Variants in FANCA observed in about 807,000 individuals in gnomAD.
The protein encoded by FANCA is FA complementation group A.
In FANCA, 236 loss-of-function variants were observed where a neutral mutation model predicts 194.3. The ratio of observed to expected loss-of-function variants is 1.21; its 90% CI spans 1.09 to 1.35. FANCA has a LOEUF of 1.35. Among genes scored for constraint, FANCA ranks in the 40% most tolerant of loss-of-function variants. The probability of loss-of-function intolerance (pLI) is 0.00; values close to 1 mark genes in which losing one functional copy is unlikely to be tolerated. For missense variants in FANCA, 2,628 were observed against 1,813.9 expected, an observed-to-expected ratio of 1.45 and a Z score of -8.15; for synonymous variants, 1,014 against 715.8, an observed-to-expected ratio of 1.42 and a Z score of -6.65.
At chr16:89,791,825 A>T (rs1392399926) in intron 13 of FANCA, 102 bp downstream of exon 13, 16 of 1,470,436 alleles carry the variant, frequency 1.1e-5, no homozygotes, top group Non-Finnish European at 1.5e-5. Context: ...GCAGGTAGGG[A>T]AGGGCTTCAC....
At position 89,791,940 on chromosome 16, in the gene FANCA, C is replaced by T; in HGVS notation, c.1212G>A (p.Gln404=). The T allele has an allele frequency of 6.2e-7, 1 of 1,614,184 alleles. No individual in the cohort carries two copies. The change falls in exon 13 of 43, where the codon CAG becomes CAA. Residue 404 remains glutamine (Q), a synonymous_variant. Transcript: ENST00000389301. ...GTAAAAGCTCACCTTCAAGCAGCTG[C>T]TGCGCTTCTGGAAAGCAGACAACCA... ...SALVVCFPEA[Q]QLLEDWVARL...
At chr16:89,764,009 A>C (rs1009847661) in intron 28 of FANCA, among the ~76,000 whole-genome samples, 6 of 152,166 alleles carry the variant, frequency 3.9e-5, no homozygotes, top group African/African-American at 1.4e-4. Flanking sequence ...TGGGAGGCCA[A>C]GGCGTGTGGG....
In FANCA at chr16:89,795,958, C is replaced by T. The variant is rs1158963137; in HGVS notation, c.954G>A (p.Arg318=). The T allele has an allele frequency of 2.5e-6, 4 of 1,614,054 alleles. No individual in the cohort carries two copies. The highest frequency in any genetic ancestry group is 2.7e-5 in the African/African-American group (2 of 74,932). The change falls in exon 11 of 43, where the codon AGG becomes AGA. Residue 318 remains arginine, a synonymous_variant. Coordinates refer to ENST00000389301, the MANE Select transcript of FANCA (RefSeq NM_000135.4). ...GSVISTDPLK[R]FFSHTLTQIL... Reference sequence around the variant, plus strand: ...TCTGAGTCAGGGTATGACTGAAGAACCTCTTCAGAGGATCTGTGGAAATTA... The same window carrying T: ...TCTGAGTCAGGGTATGACTGAAGAATCTCTTCAGAGGATCTGTGGAAATTA...
In FANCA at chr16:89,802,414, T is replaced by C. The variant is rs187277435; in HGVS notation, c.792+845A>G. ...ATTGAGCCCAACCTCAGCTATTTTT[T>C]TCTTTTTCTGAGATGGAGTCTCTGT... On this transcript the variant is annotated intron_variant, in intron 8 of 42. Coordinates refer to ENST00000389301, the MANE Select transcript of FANCA (RefSeq NM_000135.4). 5.3e-5 allele frequency among the ~76,000 whole-genome samples: 8 copies of C among 151,896 alleles called. No individual in the cohort carries two copies. In the East Asian group the frequency reaches 1.6e-3, roughly 30 times the overall value.
Position 89,812,494 on chromosome 16 carries a change from A to T in FANCA, c.284-1423T>A, listed in dbSNP as rs562777582. ...AAACCCTATCTCTACTAAAAATACA[A>T]AATTAGCCAGGCGTGGTGGTGCATG... is the stretch of plus-strand genomic sequence containing the variant. On this transcript the variant is annotated intron_variant, in intron 3 of 42. Coordinates refer to ENST00000389301, the MANE Select transcript of FANCA (RefSeq NM_000135.4). Among the ~76,000 whole-genome samples the T allele has an allele frequency of 2.6e-5, 4 of 151,238 alleles. No homozygotes were observed. In the East Asian group the frequency reaches 7.8e-4, roughly 30 times the overall value.
chr16:89,758,789 AGG>A, intron 29 of FANCA, 84 bp from the exon 30 acceptor site: 1 of 1,587,190 alleles, frequency 6.3e-7, no homozygotes, highest in Non-Finnish European at 8.6e-7. Flanking sequence ...GCCCATAGTA[AGG>A]GACACACAGC....
chr16:89,791,779 G>A (rs1006560417), intron 13 of FANCA, 148 bp downstream of exon 13: 1 of 1,100,140 alleles, frequency 9.1e-7, no homozygotes, highest in Non-Finnish European at 1.3e-6. Flanking sequence ...GTCTGACAAA[G>A]AATGTTCCAT....
rs1168865554 is a variant in FANCA, at chr16:89,783,135, G to A, written c.1471-33C>T. The A allele has an allele frequency of 2.0e-6, 3 of 1,534,378 alleles. No individual in the cohort carries two copies. In the African/African-American group the frequency reaches 4.1e-5, roughly 21 times the overall value. ...TAGATAGCAGAGCGCAGCACCGTTA[G>A]TCTGGGAACTGCCTGGGACTCCAGG... is the stretch of plus-strand genomic sequence containing the variant. On this transcript the variant is annotated intron_variant, in intron 15 of 42. Coordinates refer to ENST00000389301, the MANE Select transcript of FANCA (RefSeq NM_000135.4).
At chr16:89,752,251 T>C in intron 30 of FANCA, 29 bp from the exon 31 acceptor site, 1 of 1,582,340 alleles carries the variant, frequency 6.3e-7, no homozygotes, top group Non-Finnish European at 8.7e-7. Flanking sequence ...AAAATCCTCC[T>C]CAGTATCGCC....
chr16:89,790,078 G>A (rs914952695), intron 14 of FANCA, among the ~76,000 whole-genome samples: 1 of 152,204 alleles, frequency 6.6e-6, no homozygotes, highest in African/African-American at 2.4e-5. Context: ...CTGAAGAAAT[G>A]AAGTACTTGT....
At chr16:89,774,924 T>A (rs2039450554) in intron 21 of FANCA, among the ~76,000 whole-genome samples, 2 of 151,426 alleles carry the variant, frequency 1.3e-5, no homozygotes, top group South Asian at 4.2e-4. Flanking sequence ...CGAAACCCCA[T>A]CTCTACTAAA....
intron 1 of FANCA, 175 bp from the exon 2 acceptor site, chr16:89,816,161 G>A (rs1025463456): frequency 7.6e-6 from 5 of 660,936 alleles, no homozygotes; most frequent in African/African-American, 5.4e-5. Context: ...GCCCCACCGC[G>A]GACGCCGGGG....
chr16:89,803,290 C>G lies in FANCA; in HGVS notation c.761G>C (p.Arg254Thr). 6.2e-7 allele frequency: 1 copy of G among 1,614,212 alleles called. No homozygotes were observed. The highest frequency in any genetic ancestry group is 8.5e-7 in the Non-Finnish European group (1 of 1,180,024). The change falls in exon 8 of 43, where the codon AGA (arginine) becomes ACA (threonine). Residue 254 changes from arginine (R) to threonine (T), a missense_variant. Physicochemically the swap from Arg to Thr is moderately conservative, Grantham distance 71. Transcript: ENST00000389301. ...LRGFQKNSDL[R>T]RTVEPEKMPQ... ...CATTTTTTCAGGCTCCACAGTTCTT[C>G]TCAGATCTGAGTTTTTCTGAAATCC...
At chr16:89,763,232 G>C (rs568336047) in intron 28 of FANCA, among the ~76,000 whole-genome samples, 2 of 146,982 alleles carry the variant, frequency 1.4e-5, no homozygotes, top group African/African-American at 5.1e-5. Context: ...GGGCAACAGA[G>C]GAAGATTCCA....
At chr16:89,790,390 C>G (rs552657997) in intron 14 of FANCA, among the ~76,000 whole-genome samples, 86 of 146,174 alleles carry the variant, frequency 5.9e-4, no homozygotes, top group African/African-American at 2.1e-3. Flanking sequence ...TGAGACTCCA[C>G]CTCAAAAAAA....
chr16:89,773,049 T>G (rs892761746), intron 22 of FANCA, among the ~76,000 whole-genome samples: 2 of 152,156 alleles, frequency 1.3e-5, no homozygotes, highest in Non-Finnish European at 2.9e-5. Flanking sequence ...TAGCCGAATA[T>G]TCACCTTCTG....
At chr16:89,792,132 C>CA in intron 12 of FANCA, 64 bp from the exon 13 acceptor site, 1 of 1,600,992 alleles carries the variant, frequency 6.2e-7, no homozygotes, top group East Asian at 2.2e-5. Context: ...GATGACCCCT[C>CA]ACCTTCCTCC....
chr16:89,765,171 AACCC>A, intron 27 of FANCA, 105 bp from the exon 28 acceptor site: 1 of 1,322,686 alleles, frequency 7.6e-7, no homozygotes, highest in Non-Finnish European at 1.1e-6. Flanking sequence ...CCACACACAC[AACCC>A]CACATTCAGA....
At chr16:89,789,814 C>T (rs1261392274) in intron 14 of FANCA, among the ~76,000 whole-genome samples, 1 of 152,092 alleles carries the variant, frequency 6.6e-6, no homozygotes, top group Non-Finnish European at 1.5e-5. Flanking sequence ...GAAACCATGG[C>T]GGTCCTTCAA....
Sources: gnomAD v4.1 joint callset for allele counts (sites outside exome capture counted in the v4.1 genomes callset) on GRCh38, gnomAD v4.1.1 for gene constraint, MANE v1.5 for transcripts, NCBI Gene and HGNC (gene_info 2026-07-23, HGNC 2026-07-21) for gene names.